Variants in RORA observed in about 807,000 individuals in gnomAD.
The protein encoded by RORA is RAR related orphan receptor A.
Under a neutral mutation model 69.5 loss-of-function variants are expected in RORA, and 7 were observed. The observed-to-expected ratio is 0.10, with a 90% confidence interval of 0.06 to 0.19. The LOEUF (loss-of-function observed/expected upper bound fraction) is 0.19, where lower values mean the gene tolerates loss of function less well. Among genes scored for constraint, RORA ranks in the 10% least tolerant of loss-of-function variants. RORA has a pLI of 1.00. For synonymous variants in RORA, 261 were observed against 240.8 expected, an observed-to-expected ratio of 1.08 and a Z score of -0.78; for missense variants, 457 against 663.0, an observed-to-expected ratio of 0.69 and a Z score of 3.41.
intron 1 of RORA, among the ~76,000 whole-genome samples, chr15:60,874,191 G>C (rs576826590): frequency 6.6e-6 from 1 of 151,904 alleles, no homozygotes; most frequent in Non-Finnish European, 1.5e-5. Context: ...TATGGGTTTT[G>C]TTTTTTTAGG....
chr15:60,988,224 T>A (rs1467302), intron 1 of RORA, among the ~76,000 whole-genome samples: 33,644 of 151,734 alleles, frequency 0.22, 3,954 homozygotes, highest in African/African-American at 0.28. Flanking sequence ...AGAAGGAGGG[T>A]TGGGAGAGGG....
intron 2 of RORA, among the ~76,000 whole-genome samples, chr15:60,549,296 C>T (rs748771523): frequency 7.9e-5 from 12 of 152,148 alleles, no homozygotes; most frequent in African/African-American, 2.7e-4. Context: ...TCTTAGGTAG[C>T]GAGCAAGTGT....
intron 1 of RORA, among the ~76,000 whole-genome samples, chr15:61,177,449 G>T (rs1322775446): frequency 1.3e-5 from 2 of 152,058 alleles, no homozygotes; most frequent in African/African-American, 4.8e-5. Context: ...ATTATTATTA[G>T]AAATAATTAA....
intron 2 of RORA, among the ~76,000 whole-genome samples, chr15:60,639,431 TG>T (rs1359241586): frequency 7.7e-6 from 1 of 129,200 alleles, no homozygotes; most frequent in East Asian, 2.3e-4. Flanking sequence ...GAGCAAGGTG[TG>T]GGAGGAGCGT....
At chr15:60,765,164 C>G (rs2071967185) in intron 1 of RORA, 1 of 152,106 alleles carries the variant, frequency 6.6e-6, no homozygotes, top group Non-Finnish European at 1.5e-5. Flanking sequence ...TCCCCCTTCT[C>G]TCTTTCCCTG....
At chr15:60,629,187 C>CTTTTTTTT (rs34687322) in intron 2 of RORA, among the ~76,000 whole-genome samples, 2,250 of 111,914 alleles carry the variant, frequency 0.02, 229 homozygotes, top group African/African-American at 0.056. Flanking sequence ...ACTGTTTATT[C>CTTTTTTTT]TTTTTTTTTT....
intron 3 of RORA, among the ~76,000 whole-genome samples, chr15:60,524,815 A>G (rs139855560): frequency 3.3e-3 from 498 of 152,364 alleles, no homozygotes; most frequent in African/African-American, 0.011. Flanking sequence ...ACACTTTGCC[A>G]TCATTATTTG....
chr15:61,050,668 T>A (rs527579627), intron 1 of RORA, among the ~76,000 whole-genome samples: 1 of 152,198 alleles, frequency 6.6e-6, no homozygotes, highest in African/African-American at 2.4e-5. Context: ...GGGCGCAGAG[T>A]CACAAGAGTC....
chr15:61,080,069 G>C (rs1402405788), intron 1 of RORA, among the ~76,000 whole-genome samples: 2 of 152,196 alleles, frequency 1.3e-5, no homozygotes, highest in African/African-American at 2.4e-5. Context: ...GAACAGAAGA[G>C]AGCTGGTTCA....
chr15:60,988,354 C>A (rs577453890), intron 1 of RORA, among the ~76,000 whole-genome samples: 4 of 152,098 alleles, frequency 2.6e-5, no homozygotes, highest in Non-Finnish European at 2.9e-5. Context: ...ATGCTAATAG[C>A]CAGGAAGTCA....
intron 1 of RORA, among the ~76,000 whole-genome samples, chr15:60,951,277 C>T (rs868279386): frequency 0.03 from 4,198 of 138,634 alleles, 229 homozygotes; most frequent in African/African-American, 0.11. Context: ...ATCTCTGGGA[C>T]ACATTCAAAG....
intron 1 of RORA, among the ~76,000 whole-genome samples, chr15:61,210,005 C>T (rs184739966): frequency 1.3e-5 from 2 of 152,322 alleles, no homozygotes; most frequent in Admixed American, 6.5e-5. Flanking sequence ...CTAAAATGTA[C>T]TTCAGCCTTA....
intron 1 of RORA, among the ~76,000 whole-genome samples, chr15:60,710,291 C>A (rs2071125537): frequency 1.3e-5 from 2 of 152,046 alleles, no homozygotes; most frequent in South Asian, 2.1e-4. Context: ...GAGTTCGAGA[C>A]CAGCCTGACC....
chr15:60,735,804 T>C (rs1248814016), intron 1 of RORA, among the ~76,000 whole-genome samples: 1 of 152,150 alleles, frequency 6.6e-6, no homozygotes, highest in Non-Finnish European at 1.5e-5. Context: ...GTTTTGAAGA[T>C]AAAATTCAAT....
intron 1 of RORA, among the ~76,000 whole-genome samples, chr15:60,679,261 C>G (rs2140749706): frequency 6.6e-6 from 1 of 152,150 alleles, no homozygotes; most frequent in East Asian, 1.9e-4. Context: ...TAAAAATGGC[C>G]CCCAAATGTT....
Position 61,040,071 on chromosome 15 carries a change from T to C in RORA, c.166+188982A>G, listed in dbSNP as rs955803420. Among the ~76,000 whole-genome samples, 5 of 134,326 alleles carry C rather than the reference T, an allele frequency of 3.7e-5. No homozygotes were observed. The South Asian group carries it at 9.7e-4, about 26-fold the overall frequency. 88.1% of individuals were successfully genotyped at this position (134,326 alleles called of 152,430 possible). ...CTTCGTAAATTGTGTGTATCACCCA[T>C]ATTACAAGAACATAATTCTAATGGC... On this transcript the variant is annotated intron_variant, in intron 1 of 10. Transcript: ENST00000335670.
intron 1 of RORA, among the ~76,000 whole-genome samples, chr15:60,998,804 C>A (rs1894653247): frequency 6.6e-6 from 1 of 152,204 alleles, no homozygotes; most frequent in African/African-American, 2.4e-5. Flanking sequence ...ACCCACCTAC[C>A]CCTCTGTAGA....
In RORA at chr15:61,131,823, G is replaced by A. The variant is rs974768184; in HGVS notation, c.166+97230C>T. Among the ~76,000 whole-genome samples the A allele has an allele frequency of 7.2e-5, 11 of 152,284 alleles. No individual in the cohort carries two copies. The highest frequency in any genetic ancestry group is 4.1e-4 in the South Asian group (2 of 4,824). ...CTGGACTCCAGTTCTGCCACCAAACGGATGTGTAACTCTAAGCAAGTCATT... is the reference window on the plus strand; with the variant it reads ...CTGGACTCCAGTTCTGCCACCAAACAGATGTGTAACTCTAAGCAAGTCATT... On this transcript the variant is annotated intron_variant, in intron 1 of 10. Coordinates refer to ENST00000335670, the MANE Select transcript of RORA (RefSeq NM_134261.3). The surrounding 1 kb of genome is among the most constrained non-coding windows in gnomAD (Gnocchi z 4.2).
At chr15:61,075,086 C>CAA (rs879724406) in intron 1 of RORA, among the ~76,000 whole-genome samples, 3 of 112,014 alleles carry the variant, frequency 2.7e-5, no homozygotes, top group South Asian at 2.9e-4. Context: ...GACTCTATCT[C>CAA]AAAAAAAAAA....
Sources: allele counts gnomAD v4.1 joint callset (sites outside exome capture counted in the v4.1 genomes callset), GRCh38; gene constraint gnomAD v4.1.1; non-coding constraint Gnocchi (gnomAD v3.1); transcripts MANE v1.5; gene names NCBI Gene and HGNC (gene_info 2026-07-23, HGNC 2026-07-21).